The following CHAT variants were observed in gnomAD, a reference collection of about 807,000 sequenced individuals.
CHAT encodes acetyl CoA:choline O-acetyltransferase.
CHAT carries 61 observed loss-of-function variants against 76.9 expected under a neutral mutation model. The observed-to-expected ratio is 0.79, with a 90% CI of 0.65 to 0.98. The LOEUF is 0.98. CHAT is among the 50% of genes least tolerant of loss of function. CHAT has a pLI of 0.00. For synonymous variants in CHAT, 407 were observed against 397.4 expected (o/e 1.02, Z -0.29); for missense variants, 946 against 986.9 (o/e 0.96, Z 0.56).
At chr10:49,649,447 A>C in intron 9 of CHAT, 61 bp from the exon 10 acceptor site, 2 of 1,611,998 alleles carry the variant, frequency 1.2e-6, no homozygotes, top group Non-Finnish European at 1.7e-6. Context: ...AGAGCAAAGA[A>C]GAGATGCCTC....
At chr10:49,632,796 G>GA (rs1290287996) in intron 7 of CHAT, among the ~76,000 whole-genome samples, 1 of 152,212 alleles carries the variant, frequency 6.6e-6, no homozygotes, top group Non-Finnish European at 1.5e-5. Context: ...TGCTTAGCCT[G>GA]ACCCTCTGCC....
At chr10:49,614,536 G>C (rs1279358147) in intron 1 of CHAT, 61 bp downstream of exon 1, 2 of 1,440,642 alleles carry the variant, frequency 1.4e-6, no homozygotes, top group Non-Finnish European at 9.4e-7. Context: ...GGCGGCGGTC[G>C]GGGGCTCTAT....
chr10:49,625,448 C>A, intron 5 of CHAT, 25 bp from the exon 6 acceptor site: 1 of 1,610,978 alleles, frequency 6.2e-7, no homozygotes, highest in Non-Finnish European at 8.5e-7. Context: ...TCGTGGCTGC[C>A]TCCCTTCCCA....
Position 49,616,521 on chromosome 10 carries a change from T to G in CHAT, c.306T>G (p.Pro102=). ...CCCCAGGTCCACACCTCTGCATCCC[T>G]GCACCAGGACTCACCAAGACGCCCA... ...PRRAGPHLCI[P]APGLTKTPIL... Residue 102 remains proline, a synonymous_variant, in exon 2 of 15, where the codon CCT becomes CCG. Transcript: ENST00000337653. 1 of 1,612,808 alleles carries G rather than the reference T, an allele frequency of 6.2e-7. No individual in the cohort carries two copies. Among genetic ancestry groups the G allele is most frequent in the South Asian group, 1.1e-5 (1 of 90,776 alleles).
At position 49,666,601 on chromosome 10, in the gene CHAT, T is replaced by C. The variant is rs2132862869; in HGVS notation, c.*1555T>C. ...CACTTCGACCTGGACTGTCACAGGC[T>C]GGCAGAGGTGGGGTGGGCATTTGAC... On this transcript the variant is annotated 3_prime_UTR_variant, in exon 15 of 15. Coordinates refer to ENST00000337653, the MANE Select transcript of CHAT (RefSeq NM_020549.5). Among the ~76,000 whole-genome samples, 1 of 152,306 alleles carries C rather than the reference T, an allele frequency of 6.6e-6. No individual in the cohort carries two copies. The highest frequency in any genetic ancestry group is 1.9e-4 in the East Asian group (1 of 5,176).
chr10:49,651,438 T>C (rs7900310), intron 10 of CHAT, among the ~76,000 whole-genome samples: 58,033 of 152,094 alleles, frequency 0.38, 11,956 homozygotes, highest in South Asian at 0.48. Context: ...GGCAGTCAGC[T>C]CAGACCCCAG....
At chr10:49,664,701 C>A in intron 14 of CHAT, 76 bp from the exon 15 acceptor site, 1 of 1,581,828 alleles carries the variant, frequency 6.3e-7, no homozygotes, top group Non-Finnish European at 8.7e-7. Context: ...AGGTGGAAAA[C>A]AGAGAAGCCA....
At chr10:49,609,661 AT>A (rs972161116), upstream of CHAT, among the ~76,000 whole-genome samples, 291 of 152,052 alleles carry the variant, frequency 1.9e-3, 1 homozygote, top group African/African-American at 6.7e-3. Flanking sequence ...CGGCCGAGAA[AT>A]TCTGCGGAGG....
intron 6 of CHAT, among the ~76,000 whole-genome samples, chr10:49,626,301 T>TG (rs1387420197): frequency 6.6e-6 from 1 of 152,256 alleles, no homozygotes; most frequent in Admixed American, 6.5e-5. Flanking sequence ...TGAGGGCTCC[T>TG]GACCTCTTCC....
intron 1 of CHAT, chr10:49,616,152 A>T: frequency 6.7e-7 from 1 of 1,484,362 alleles, no homozygotes; most frequent in South Asian, 1.1e-5. Context: ...CAAAGCACTT[A>T]TCTATTGGGT....
chr10:49,628,469 G>A lies in CHAT; in HGVS notation c.1111+684G>A, dbSNP rs138333105. ...ACCCCTCAGAATTTTACTGGGTCAG[G>A]CAATCTATTCAGACTCTCCACATCT... On this transcript the variant is annotated intron_variant, in intron 7 of 14. Transcript: ENST00000337653. 8.0e-3 allele frequency among the ~76,000 whole-genome samples: 1,219 copies of A among 152,264 alleles called. 6 individuals carry two copies. The highest frequency in any genetic ancestry group is 0.013 in the Non-Finnish European group (881 of 68,038).
chr10:49,659,756 G>A (rs1242072157), intron 13 of CHAT, among the ~76,000 whole-genome samples: 1 of 152,122 alleles, frequency 6.6e-6, no homozygotes, highest in African/African-American at 2.4e-5. Context: ...CAGCTACTAA[G>A]GAGGCTGAGG....
At chr10:49,615,206 A>G (rs1317590230) in intron 1 of CHAT, among the ~76,000 whole-genome samples, 1 of 152,112 alleles carries the variant, frequency 6.6e-6, no homozygotes, top group Admixed American at 6.5e-5. Context: ...CATTGGCTGC[A>G]TGGTCTGTAG....
At position 49,649,622 on chromosome 10, in the gene CHAT, A is replaced by G. The variant is rs752844751; in HGVS notation, c.1497A>G (p.Ala499=). 1 of 1,613,694 alleles carries G rather than the reference A, an allele frequency of 6.2e-7. No individual in the cohort carries two copies. Among genetic ancestry groups the G allele is most frequent in the Non-Finnish European group, 8.5e-7 (1 of 1,180,046 alleles). Reference sequence around the variant, plus strand: ...TTCAAGGCCACTTAGCCTCCTCGGCAGAAAAACTTCAACGGTAAGGATAAC... The same window carrying G: ...TTCAAGGCCACTTAGCCTCCTCGGCGGAAAAACTTCAACGGTAAGGATAAC... ...PEIQGHLASS[A]EKLQRIVKNL... The change falls in exon 10 of 15, where the codon GCA becomes GCG. Residue 499 remains alanine, a synonymous_variant. Transcript: ENST00000337653.
chr10:49,611,026 A>G (rs1456915318), upstream of CHAT: 1 of 1,613,750 alleles, frequency 6.2e-7, no homozygotes, highest in Admixed American at 1.7e-5. Flanking sequence ...CTACACGGCC[A>G]ACACCTCGGC....
intron 11 of CHAT, among the ~76,000 whole-genome samples, chr10:49,654,246 C>T (rs1377285362): frequency 1.3e-5 from 2 of 152,214 alleles, no homozygotes; most frequent in African/African-American, 2.4e-5. Flanking sequence ...AAGACAGTGT[C>T]ACACACCCTG....
upstream of CHAT, chr10:49,613,024 C>G (rs1375912272): frequency 1.3e-5 from 2 of 152,464 alleles, no homozygotes; most frequent in Non-Finnish European, 2.9e-5. Context: ...GCTAGGCACG[C>G]CAGGCCCCGC....
chr10:49,642,003 C>T (rs772138052), intron 7 of CHAT, among the ~76,000 whole-genome samples: 14 of 152,156 alleles, frequency 9.2e-5, no homozygotes, highest in Non-Finnish European at 1.9e-4. Context: ...CAGGGCTCCC[C>T]GAGGCCTCCT....
At chr10:49,635,739 T>C (rs1839273504) in intron 7 of CHAT, among the ~76,000 whole-genome samples, 2 of 152,146 alleles carry the variant, frequency 1.3e-5, no homozygotes, top group African/African-American at 4.8e-5. Context: ...CCATTCATGA[T>C]AAAATCTCTT....
Sources: gnomAD v4.1 joint callset for allele counts (sites outside exome capture counted in the v4.1 genomes callset) on GRCh38, gnomAD v4.1.1 for gene constraint, MANE v1.5 for transcripts, NCBI Gene and HGNC (gene_info 2026-07-23, HGNC 2026-07-21) for gene names.